TXK: variants seen among roughly 807,000 people sequenced by gnomAD.
TXK encodes TXK tyrosine kinase, also known as tyrosine-protein kinase TXK.
TXK carries 60 observed loss-of-function variants against 81.0 expected under a neutral mutation model. The observed-to-expected ratio is 0.74, with a 90% CI of 0.60 to 0.92. The LOEUF (loss-of-function observed/expected upper bound fraction) is 0.92, where lower values mean the gene tolerates loss of function less well. TXK is among the 40% of genes least tolerant of loss of function. The pLI is 0.00. For synonymous variants in TXK, 203 were observed against 210.7 expected, an observed-to-expected ratio of 0.96 and a Z score of 0.32; for missense variants, 581 against 638.3, an observed-to-expected ratio of 0.91 and a Z score of 0.97.
chr4:48,131,046 C>A (rs927188078), intron 1 of TXK, among the ~76,000 whole-genome samples: 2 of 152,128 alleles, frequency 1.3e-5, no homozygotes, highest in African/African-American at 4.8e-5. Flanking sequence ...TTTCCCTTGC[C>A]CTGTCCTTTA....
rs1296261155 is a variant in TXK at position 48,071,557 on chromosome 4, G to A, written c.1475C>T (p.Pro492Leu). ...GTACATGACTTCATATATGGACATTGGTGCCAGGTGAGGGCGATATAGCCT... is the reference window on the plus strand; with the variant it reads ...GTACATGACTTCATATATGGACATTAGTGCCAGGTGAGGGCGATATAGCCT... The part of the protein sequence containing the change: ...GFRLYRPHLA[P>L]MSIYEVMYSC... Residue 492 changes from proline (P) to leucine (L), a missense_variant, in exon 14 of 15, where the codon CCA becomes CTA. Transcript: ENST00000264316. 3 of 1,614,024 alleles carry A rather than the reference G, an allele frequency of 1.9e-6. No individual in the cohort carries two copies. Among genetic ancestry groups the A allele is most frequent in the Non-Finnish European group, 2.5e-6 (3 of 1,180,008 alleles).
chr4:48,079,535 G>T (rs1717208482), intron 11 of TXK, among the ~76,000 whole-genome samples: 1 of 152,044 alleles, frequency 6.6e-6, no homozygotes, highest in Admixed American at 6.6e-5. Context: ...TGGTTTACTG[G>T]CTTCCCCCCA....
chr4:48,093,193 G>GTGGA (rs1279806210), intron 8 of TXK, among the ~76,000 whole-genome samples: 1 of 152,184 alleles, frequency 6.6e-6, no homozygotes, highest in African/African-American at 2.4e-5. Flanking sequence ...GAATAGCCAT[G>GTGGA]TGGATGCATC....
At chr4:48,104,868 A>G (rs1269303791) in intron 6 of TXK, 33 bp downstream of exon 6, 1 of 1,549,374 alleles carries the variant, frequency 6.5e-7, no homozygotes, top group African/African-American at 1.4e-5. Context: ...CTTCTCAGAG[A>G]TTTTGAAAAT....
At chr4:48,101,556 T>C (rs1303149560) in intron 6 of TXK, among the ~76,000 whole-genome samples, 3 of 152,078 alleles carry the variant, frequency 2.0e-5, no homozygotes, top group Admixed American at 2.0e-4. Context: ...AAATGCCTTA[T>C]GACAAGTAGG....
Position 48,080,181 on chromosome 4 carries a change from T to C in TXK, c.957-53A>G, listed in dbSNP as rs544278294. 8.8e-5 allele frequency: 120 copies of C among 1,371,028 alleles called. 2 individuals carry two copies. In the South Asian group the frequency reaches 1.3e-3, roughly 15 times the overall value. 84.9% of individuals were successfully genotyped at this position (1,371,028 alleles called of 1,614,324 possible). The stretch of plus-strand genomic sequence containing the variant: ...GCAGAATTGTGTTTGCATTTTTAAA[T>C]GTTTGAACATAACTGGTAGTATTTA... On this transcript the variant is annotated intron_variant, in intron 10 of 14. Transcript: ENST00000264316.
Position 48,094,189 on chromosome 4 carries a change from G to A in TXK, c.597C>T (p.Ala199=), listed in dbSNP as rs1161575291. The A allele has an allele frequency of 6.2e-7, 1 of 1,613,556 alleles. No homozygotes were observed. Among genetic ancestry groups the A allele is most frequent in the Non-Finnish European group, 8.5e-7 (1 of 1,179,996 alleles). Residue 199 remains alanine (A), a synonymous_variant, in exon 8 of 15, where the codon GCC becomes GCT. Coordinates refer to ENST00000264316, the MANE Select transcript of TXK (RefSeq NM_003328.3). ...TCTTTTTTATCTGATAATGTTTTAT[G>A]GCAGCCTCCGTACTTCTACAATCAA... The part of the protein sequence containing the change: ...FMGARRSTEA[A]IKHYQIKKND...
At chr4:48,125,438 T>C (rs1255246604) in intron 1 of TXK, among the ~76,000 whole-genome samples, 1 of 152,180 alleles carries the variant, frequency 6.6e-6, no homozygotes, top group Non-Finnish European at 1.5e-5. Context: ...GAAGAAGGCT[T>C]AGTAAACGAA....
intron 9 of TXK, among the ~76,000 whole-genome samples, chr4:48,088,622 T>C (rs1390428292): frequency 6.6e-6 from 1 of 152,174 alleles, no homozygotes; most frequent in Non-Finnish European, 1.5e-5. Flanking sequence ...GCAAAACAAA[T>C]CAATCTATAG....
At chr4:48,074,865 G>T (rs1717003689) in intron 12 of TXK, among the ~76,000 whole-genome samples, 1 of 152,024 alleles carries the variant, frequency 6.6e-6, no homozygotes, top group South Asian at 2.1e-4. Context: ...GGTAAAGAAT[G>T]ACTAACAGAA....
At chr4:48,109,181 C>CTTT (rs35859877) in intron 5 of TXK, among the ~76,000 whole-genome samples, 9 of 144,262 alleles carry the variant, frequency 6.2e-5, no homozygotes, top group Admixed American at 4.8e-4. Flanking sequence ...TGTGGAACTG[C>CTTT]TTTTTTTTTT....
intron 1 of TXK, among the ~76,000 whole-genome samples, chr4:48,129,758 T>C (rs887152600): frequency 2.6e-5 from 4 of 152,132 alleles, no homozygotes; most frequent in Non-Finnish European, 4.4e-5. Flanking sequence ...GAGTTGGTCT[T>C]TGCAGGCACC....
Position 48,075,610 on chromosome 4 carries a change from A to G in TXK, c.1238+792T>C, listed in dbSNP as rs376568029. 2.0e-4 allele frequency among the ~76,000 whole-genome samples: 30 copies of G among 152,214 alleles called. No homozygotes were observed. In the East Asian group the frequency reaches 5.6e-3, roughly 28 times the overall value. ...GGCTGCAGTGAGCCGAGAGAGCACC[A>G]CTGCACTCCAGCCTGGGTGACAGAG... On this transcript the variant is annotated intron_variant, in intron 12 of 14. Coordinates refer to ENST00000264316, the MANE Select transcript of TXK (RefSeq NM_003328.3).
At position 48,067,585 on chromosome 4, in the gene TXK, A is replaced by C; in HGVS notation, c.*52T>G. On this transcript the variant is annotated 3_prime_UTR_variant, in exon 15 of 15. Transcript: ENST00000264316. ...GACCCCATATGGTGAAGATATTCAC[A>C]ATAAATGACAGTTTTGCAAGATGAC... 2 of 1,564,048 alleles carry C rather than the reference A, an allele frequency of 1.3e-6. No individual in the cohort carries two copies. The highest frequency in any genetic ancestry group is 1.8e-6 in the Non-Finnish European group (2 of 1,134,200).
In TXK at chr4:48,112,426, G is replaced by C; in HGVS notation, c.261C>G (p.Val87=). The change falls in exon 4 of 15, where the codon GTC becomes GTG. Residue 87 remains valine, a synonymous_variant. Transcript: ENST00000264316. ...PSEVAEEKIQ[V]KALYDFLPRE... ...TGGGCAGAAAATCATAAAGTGCCTTGACTTGGATCTTCTCTTCAGCAACCT... is the reference window on the plus strand; with the variant it reads ...TGGGCAGAAAATCATAAAGTGCCTTCACTTGGATCTTCTCTTCAGCAACCT... The C allele has an allele frequency of 4.3e-6, 7 of 1,614,162 alleles. No individual in the cohort carries two copies. The highest frequency in any genetic ancestry group is 5.1e-6 in the Non-Finnish European group (6 of 1,180,020).
chr4:48,116,765 G>A (rs530795450), intron 1 of TXK, among the ~76,000 whole-genome samples: 1 of 152,364 alleles, frequency 6.6e-6, no homozygotes, highest in African/African-American at 2.4e-5. Context: ...CAGGAAGCCA[G>A]ATGGTTGTAT....
At chr4:48,128,428 G>C (rs1719150187) in intron 1 of TXK, among the ~76,000 whole-genome samples, 1 of 151,932 alleles carries the variant, frequency 6.6e-6, no homozygotes, top group African/African-American at 2.4e-5. Context: ...TGTGGCTTTG[G>C]AAAAATGGCT....
intron 4 of TXK, 129 bp from the exon 5 acceptor site, chr4:48,110,732 A>G (rs1392196802): frequency 5.7e-6 from 4 of 705,204 alleles, no homozygotes; most frequent in Non-Finnish European, 9.4e-6. Flanking sequence ...AAATTGTTAA[A>G]AGGAGAAAAA....
At chr4:48,133,731 T>TTG (rs1011563959) in intron 1 of TXK, among the ~76,000 whole-genome samples, 8 of 152,012 alleles carry the variant, frequency 5.3e-5, no homozygotes, top group African/African-American at 1.9e-4. Flanking sequence ...AGATATTTAT[T>TTG]TGTGTGTGTG....
Sources: gnomAD v4.1 joint callset for allele counts (sites outside exome capture counted in the v4.1 genomes callset) on GRCh38, gnomAD v4.1.1 for gene constraint, MANE v1.5 for transcripts, NCBI Gene and HGNC (gene_info 2026-07-23, HGNC 2026-07-21) for gene names.